The following LRGUK variants were observed in gnomAD, a reference collection of about 807,000 sequenced individuals.
The protein encoded by LRGUK is leucine rich repeats and guanylate kinase domain containing, also known as leucine-rich repeat and guanylate kinase domain-containing protein.
Under a neutral mutation model 76.0 loss-of-function variants are expected in LRGUK, and 65 were observed. The observed-to-expected ratio is 0.85, with a 90% CI of 0.70 to 1.05. LRGUK has a LOEUF of 1.05. Ranked by LOEUF, LRGUK falls within the 50% of genes least tolerant of loss-of-function variation. LRGUK has a pLI of 0.00. For missense variants in LRGUK, 758 were observed against 732.8 expected, an observed-to-expected ratio of 1.03 and a Z score of -0.40; for synonymous variants, 268 against 265.6, an observed-to-expected ratio of 1.01 and a Z score of -0.09.
At chr7:134,241,617 C>T (rs768046469) in intron 16 of LRGUK, among the ~76,000 whole-genome samples, 2 of 152,162 alleles carry the variant, frequency 1.3e-5, no homozygotes, top group African/African-American at 4.8e-5. Flanking sequence ...GAGACTTTAA[C>T]ACCCTACTGT....
At chr7:134,191,100 G>A (rs1305498712) in intron 11 of LRGUK, among the ~76,000 whole-genome samples, 2 of 152,166 alleles carry the variant, frequency 1.3e-5, no homozygotes, top group East Asian at 1.9e-4. Context: ...AGATAGATTT[G>A]CCCTCAGGTG....
intron 16 of LRGUK, among the ~76,000 whole-genome samples, chr7:134,230,036 C>G (rs113405637): frequency 0.024 from 3,653 of 152,036 alleles, 126 homozygotes; most frequent in African/African-American, 0.072. Context: ...TGGAATATTA[C>G]AGTACATTAA....
chr7:134,168,460 G>T (rs1799091542), intron 7 of LRGUK, among the ~76,000 whole-genome samples: 1 of 152,154 alleles, frequency 6.6e-6, no homozygotes, highest in African/African-American at 2.4e-5. Flanking sequence ...CAAATGCTTG[G>T]TTGATGTTTG....
At chr7:134,263,623 CTTTT>C (rs59840547) in intron 19 of LRGUK, among the ~76,000 whole-genome samples, 2 of 114,000 alleles carry the variant, frequency 1.8e-5, no homozygotes, top group Non-Finnish European at 3.6e-5. Flanking sequence ...TCATTTCTTT[CTTTT>C]TTTTTTTTTT....
At chr7:134,208,450 A>G (rs570666951) in intron 15 of LRGUK, among the ~76,000 whole-genome samples, 46 of 152,332 alleles carry the variant, frequency 3.0e-4, no homozygotes, top group South Asian at 1.2e-3. Context: ...AATAAGAACC[A>G]GACATAAACC....
At chr7:134,242,346 T>C (rs867651840) in intron 16 of LRGUK, among the ~76,000 whole-genome samples, 54 of 151,222 alleles carry the variant, frequency 3.6e-4, no homozygotes, top group Middle Eastern at 3.4e-3. Flanking sequence ...ATCAAATAGA[T>C]GCAATAAAAA....
chr7:134,265,031 A>G (rs889291640), downstream of LRGUK, among the ~76,000 whole-genome samples: 7 of 152,148 alleles, frequency 4.6e-5, no homozygotes, highest in Non-Finnish European at 5.9e-5. Context: ...ACAGGAGCTG[A>G]TTAAAGTTCC....
intron 3 of LRGUK, among the ~76,000 whole-genome samples, chr7:134,140,532 G>A (rs1487110346): frequency 6.6e-6 from 1 of 152,098 alleles, no homozygotes; most frequent in Non-Finnish European, 1.5e-5. Context: ...AGTTGACAGT[G>A]TATAATGTTT....
chr7:134,188,984 A>C (rs1450567629), intron 11 of LRGUK, among the ~76,000 whole-genome samples: 2 of 152,012 alleles, frequency 1.3e-5, no homozygotes, highest in African/African-American at 4.8e-5. Flanking sequence ...ATTTCCCTGG[A>C]TATTTTGGGA....
chr7:134,157,914 C>A, intron 5 of LRGUK, 121 bp from the exon 6 acceptor site: 1 of 668,900 alleles, frequency 1.5e-6, no homozygotes, highest in Middle Eastern at 3.6e-4. Context: ...CTATATTGGG[C>A]ATATAATCGT....
downstream of LRGUK, among the ~76,000 whole-genome samples, chr7:134,268,107 C>T (rs534546282): frequency 4.0e-5 from 6 of 151,888 alleles, no homozygotes; most frequent in Admixed American, 1.3e-4. Flanking sequence ...AAACACAGAT[C>T]GAGCAGAAGA....
At chr7:134,193,517 C>T (rs1326711864) in intron 12 of LRGUK, among the ~76,000 whole-genome samples, 2 of 152,098 alleles carry the variant, frequency 1.3e-5, no homozygotes, top group African/African-American at 4.8e-5. Context: ...CACTTCTATA[C>T]TATATTTAGT....
At position 134,193,809 on chromosome 7, in the gene LRGUK, A is replaced by G. The variant is rs530915261; in HGVS notation, c.1431+2058A>G. On this transcript the variant is annotated intron_variant, in intron 12 of 15. Coordinates refer to ENST00000645682, the Ensembl canonical transcript of LRGUK. ...CCCTCTACACAGCAGCCACCCAGACAGCCTGCCCGCCATCCTCCATTACAG... is the reference window on the plus strand; with the variant it reads ...CCCTCTACACAGCAGCCACCCAGACGGCCTGCCCGCCATCCTCCATTACAG... 4.6e-5 allele frequency among the ~76,000 whole-genome samples: 7 copies of G among 152,142 alleles called. No homozygotes were observed. In the East Asian group the frequency reaches 1.2e-3, roughly 25 times the overall value.
intron 11 of LRGUK, among the ~76,000 whole-genome samples, chr7:134,187,681 G>A (rs762294836): frequency 3.9e-5 from 6 of 152,104 alleles, no homozygotes; most frequent in Non-Finnish European, 8.8e-5. Flanking sequence ...TTTCTTCAAA[G>A]TCTCTCTATT....
At chr7:134,248,009 A>G (rs1460555464) in intron 17 of LRGUK, among the ~76,000 whole-genome samples, 2 of 152,206 alleles carry the variant, frequency 1.3e-5, no homozygotes, top group South Asian at 4.1e-4. Context: ...TTATCTATTG[A>G]GAATCTTTAA....
chr7:134,249,881 G>A (rs1451771658), intron 18 of LRGUK, among the ~76,000 whole-genome samples: 1 of 152,168 alleles, frequency 6.6e-6, no homozygotes, highest in Non-Finnish European at 1.5e-5. Flanking sequence ...TTTACACAAA[G>A]ATCTGGCTGG....
intron 8 of LRGUK, among the ~76,000 whole-genome samples, chr7:134,176,225 A>G (rs111652011): frequency 0.011 from 1,655 of 152,238 alleles, 40 homozygotes; most frequent in African/African-American, 0.038. Context: ...GGGGCCTGTC[A>G]GGGGCGGGAG....
At chr7:134,244,580 A>C (rs923310065) in intron 16 of LRGUK, among the ~76,000 whole-genome samples, 13 of 152,226 alleles carry the variant, frequency 8.5e-5, no homozygotes, top group Non-Finnish European at 1.9e-4. Flanking sequence ...ATGTGGAGAA[A>C]TAGGAATGCT....
the LRGUK span, among the ~76,000 whole-genome samples, chr7:134,272,561 G>C: frequency 6.6e-6 from 1 of 152,138 alleles, no homozygotes; most frequent in African/African-American, 2.4e-5. Context: ...TAGAAGTCAA[G>C]ACAAAAATCA....
Sources: allele counts gnomAD v4.1 joint callset (sites outside exome capture counted in the v4.1 genomes callset), GRCh38; gene constraint gnomAD v4.1.1; transcripts MANE v1.5; gene names NCBI Gene and HGNC (gene_info 2026-07-23, HGNC 2026-07-21).